NNT: variants seen among roughly 807,000 people sequenced by gnomAD.
NNT encodes the protein nicotinamide nucleotide transhydrogenase, also known as NAD(P) transhydrogenase, mitochondrial.
NNT carries 50 observed loss-of-function variants against 104.8 expected under a neutral mutation model. The ratio of observed to expected loss-of-function variants is 0.48; its 90% CI spans 0.38 to 0.60. The LOEUF (loss-of-function observed/expected upper bound fraction) is 0.60, where lower values mean the gene tolerates loss of function less well. Among genes scored for constraint, NNT ranks in the 20% least tolerant of loss-of-function variants. The probability of loss-of-function intolerance (pLI) is 0.00; values close to 1 mark genes in which losing one functional copy is unlikely to be tolerated. For synonymous variants in NNT, 461 were observed against 490.4 expected, an observed-to-expected ratio of 0.94 and a Z score of 0.79; for missense variants, 1,131 against 1,330.7, an observed-to-expected ratio of 0.85 and a Z score of 2.33.
At chr5:43,668,242 TG>T (rs1440795905) in intron 17 of NNT, among the ~76,000 whole-genome samples, 9 of 77,524 alleles carry the variant, frequency 1.2e-4, no homozygotes, top group South Asian at 8.8e-4. Context: ...ACTCTGATGG[TG>T]GTTTTTTTTT....
chr5:43,612,880 TA>T (rs71839404), intron 2 of NNT, 27 bp from the exon 3 acceptor site: 54,236 of 1,423,644 alleles, frequency 0.038, 1,130 homozygotes, highest in East Asian at 0.12. Context: ...ACCAAATATA[TA>T]TTTTTTTTGC....
intron 17 of NNT, among the ~76,000 whole-genome samples, chr5:43,660,539 T>TCC (rs1281142311): frequency 6.6e-6 from 1 of 152,202 alleles, no homozygotes; most frequent in Non-Finnish European, 1.5e-5. Context: ...AAGGGATCTG[T>TCC]ATTAGTCCAT....
intron 6 of NNT, 136 bp from the exon 7 acceptor site, chr5:43,628,063 TA>T: frequency 1.7e-6 from 1 of 602,820 alleles, no homozygotes; most frequent in East Asian, 3.1e-5. Flanking sequence ...TTGGAACAAT[TA>T]AGTACGAAAT....
chr5:43,627,017 A>T (rs1750405320), intron 6 of NNT, among the ~76,000 whole-genome samples: 1 of 152,192 alleles, frequency 6.6e-6, no homozygotes, highest in Non-Finnish European at 1.5e-5. Flanking sequence ...TTAAACCATT[A>T]GAAAATGTAT....
At chr5:43,700,323 T>C in intron 20 of NNT, 86 bp downstream of exon 20, 1 of 904,790 alleles carries the variant, frequency 1.1e-6, no homozygotes, top group South Asian at 1.7e-5. Flanking sequence ...GTAGATTCAG[T>C]GAAGACTGAC....
At chr5:43,644,126 ATAAT>A in intron 7 of NNT, 62 bp from the exon 8 acceptor site, 2 of 1,433,516 alleles carry the variant, frequency 1.4e-6, no homozygotes, top group Non-Finnish European at 1.9e-6. Context: ...GACTACTGTA[ATAAT>A]TAGACTTTAA....
At chr5:43,655,663 T>A (rs1235978705) in intron 14 of NNT, among the ~76,000 whole-genome samples, 177 bp from the exon 15 acceptor site, 1 of 152,192 alleles carries the variant, frequency 6.6e-6, no homozygotes, top group African/African-American at 2.4e-5. Context: ...ATACTCAACC[T>A]GTATACAACT....
Position 43,615,808 on chromosome 5 carries a change from GTATTTA to G in NNT, c.382-31_382-26del, listed in dbSNP as rs753924239. 2.8e-6 allele frequency: 4 copies of G among 1,435,310 alleles called. No individual in the cohort carries two copies. The South Asian group carries it at 5.0e-5, about 18-fold the overall frequency. 88.9% of individuals were successfully genotyped at this position (1,435,310 alleles called of 1,614,324 possible). On this transcript the variant is annotated intron_variant, in intron 3 of 21. Coordinates refer to ENST00000344920, the MANE Select transcript of NNT (RefSeq NM_182977.3). ...CTGTTTGCTTAAAAATATGATTAAAGTATTTATATTTATAATCTGTGACTTGATTTT... is the reference window on the plus strand; with the variant it reads ...CTGTTTGCTTAAAAATATGATTAAAGTATTTATAATCTGTGACTTGATTTT...
Position 43,603,765 on chromosome 5 carries a change from T to C in NNT, c.-54+471T>C, listed in dbSNP as rs938887038. Among the ~76,000 whole-genome samples the C allele has an allele frequency of 9.2e-5, 14 of 151,758 alleles. 1 individual carries two copies. The highest frequency in any genetic ancestry group is 2.6e-4 in the Admixed American group (4 of 15,244). ...AGGTGGCAGCTGGATGCCCTTGAGG[T>C]ATGCTTGACCCTTGAGGGAGTTCGG... On this transcript the variant is annotated intron_variant, in intron 1 of 21. Coordinates refer to ENST00000344920, the MANE Select transcript of NNT (RefSeq NM_182977.3).
intron 20 of NNT, among the ~76,000 whole-genome samples, chr5:43,701,198 A>G (rs997301098): frequency 5.9e-5 from 9 of 152,140 alleles, no homozygotes; most frequent in African/African-American, 2.2e-4. Context: ...TAGTGAGCAT[A>G]GTACCCCACA....
intron 4 of NNT, among the ~76,000 whole-genome samples, chr5:43,617,667 A>G (rs1749860928): frequency 6.6e-6 from 1 of 152,176 alleles, no homozygotes; most frequent in South Asian, 2.1e-4. Context: ...TTTTTTCACT[A>G]TCAATGTTTC....
intron 1 of NNT, among the ~76,000 whole-genome samples, chr5:43,605,608 G>A (rs892629427): frequency 1.2e-4 from 17 of 145,368 alleles, no homozygotes; most frequent in Admixed American, 4.9e-4. Flanking sequence ...TTGCTTCAAA[G>A]CCACAGGAAC....
chr5:43,654,323 G>A (rs1312367898), intron 14 of NNT, among the ~76,000 whole-genome samples: 1 of 152,248 alleles, frequency 6.6e-6, no homozygotes, highest in African/African-American at 2.4e-5. Flanking sequence ...GTCCAGACGT[G>A]AGAAAGTGAT....
At chr5:43,612,875 A>C (rs1561262242) in intron 2 of NNT, 33 bp from the exon 3 acceptor site, 1 of 1,386,860 alleles carries the variant, frequency 7.2e-7, no homozygotes, top group Non-Finnish European at 9.9e-7. Context: ...TTTTTACCAA[A>C]TATATATTTT....
chr5:43,627,466 C>T (rs1049361793), intron 6 of NNT, among the ~76,000 whole-genome samples: 1 of 151,992 alleles, frequency 6.6e-6, no homozygotes, highest in Admixed American at 6.6e-5. Context: ...TAACAAGTAC[C>T]CTGAGTGATT....
At chr5:43,700,634 CTG>C (rs1416999281) in intron 20 of NNT, among the ~76,000 whole-genome samples, 1 of 152,146 alleles carries the variant, frequency 6.6e-6, no homozygotes, top group Non-Finnish European at 1.5e-5. Context: ...TTGCCAGTCT[CTG>C]AGATTTTACT....
chr5:43,699,371 T>TG (rs1742733147), intron 19 of NNT, among the ~76,000 whole-genome samples: 1 of 150,186 alleles, frequency 6.7e-6, no homozygotes, highest in South Asian at 2.1e-4. Context: ...TTTTTTTTTT[T>TG]GAGACAAAGT....
chr5:43,638,032 G>C (rs913285800), intron 7 of NNT, among the ~76,000 whole-genome samples: 2 of 152,110 alleles, frequency 1.3e-5, no homozygotes, highest in South Asian at 2.1e-4. Flanking sequence ...TTGAACCAAG[G>C]GGGCAGTTTC....
At chr5:43,704,140 G>T in intron 21 of NNT, 115 bp from the exon 22 acceptor site, 1 of 798,584 alleles carries the variant, frequency 1.3e-6, no homozygotes. Context: ...CTGCACTAAA[G>T]AATTAGTAGT....
Sources: allele counts gnomAD v4.1 joint callset (sites outside exome capture counted in the v4.1 genomes callset), GRCh38; gene constraint gnomAD v4.1.1; transcripts MANE v1.5; gene names NCBI Gene and HGNC (gene_info 2026-07-23, HGNC 2026-07-21).